EPHA5: variants seen among roughly 807,000 people sequenced by gnomAD.
The protein encoded by EPHA5 is ephrin type-A receptor 5.
Under a neutral mutation model 105.0 loss-of-function variants are expected in EPHA5, and 60 were observed. The observed-to-expected ratio is 0.57, with a 90% confidence interval of 0.46 to 0.71. The LOEUF (loss-of-function observed/expected upper bound fraction) is 0.71, where lower values mean the gene tolerates loss of function less well. Ranked by LOEUF, EPHA5 falls within the 30% of genes least tolerant of loss-of-function variation. The pLI is 0.00. For missense variants in EPHA5, 1,218 were observed against 1,274.7 expected (o/e 0.96, Z 0.68); for synonymous variants, 513 against 449.1 (o/e 1.14, Z -1.80).
At chr4:65,470,580 A>G (rs1300298343) in intron 5 of EPHA5, among the ~76,000 whole-genome samples, 1 of 152,218 alleles carries the variant, frequency 6.6e-6, no homozygotes, top group East Asian at 1.9e-4. Context: ...TCTCTCTATT[A>G]AAGATAGCAC....
intron 3 of EPHA5, among the ~76,000 whole-genome samples, chr4:65,590,579 T>G (rs1321594332): frequency 2.0e-5 from 3 of 152,152 alleles, no homozygotes; most frequent in African/African-American, 4.8e-5. Context: ...AAAGTATGAG[T>G]TAAATTTAAA....
chr4:65,409,662 A>G (rs1167020454), intron 7 of EPHA5, among the ~76,000 whole-genome samples: 1 of 152,188 alleles, frequency 6.6e-6, no homozygotes, highest in Non-Finnish European at 1.5e-5. Flanking sequence ...AGAATTTGGG[A>G]TCCTTCTCTC....
chr4:65,463,420 T>C (rs1728309716), intron 5 of EPHA5, among the ~76,000 whole-genome samples: 1 of 152,200 alleles, frequency 6.6e-6, no homozygotes, highest in African/African-American at 2.4e-5. Context: ...TCATGTGTTT[T>C]AGAAAATGAT....
intron 11 of EPHA5, among the ~76,000 whole-genome samples, chr4:65,361,842 T>C (rs1340298955): frequency 6.6e-6 from 1 of 151,626 alleles, no homozygotes; most frequent in South Asian, 2.1e-4. Context: ...TTATGACTAA[T>C]CCTAAGACTC....
At chr4:65,607,292 C>G (rs1560765819) in intron 2 of EPHA5, among the ~76,000 whole-genome samples, 1 of 151,794 alleles carries the variant, frequency 6.6e-6, no homozygotes, top group Non-Finnish European at 1.5e-5. Context: ...AACTAAAACA[C>G]CAAAATCAAT....
At chr4:65,348,671 TATATATATATATATATATATATATATAAA>T (rs1408063600) in intron 13 of EPHA5, among the ~76,000 whole-genome samples, 1 of 56,826 alleles carries the variant, frequency 1.8e-5, no homozygotes, top group East Asian at 7.9e-4. Context: ...TATATATATA[TATATATATATATATATATATATATATAAA>T]ATATATATGT....
At chr4:65,467,154 T>C (rs1005579159) in intron 5 of EPHA5, among the ~76,000 whole-genome samples, 2 of 152,184 alleles carry the variant, frequency 1.3e-5, no homozygotes, top group African/African-American at 2.4e-5. Context: ...ACAAAGAGAT[T>C]ACTTTGTTTT....
chr4:65,514,318 C>A (rs1045640243), intron 3 of EPHA5, among the ~76,000 whole-genome samples: 7 of 152,236 alleles, frequency 4.6e-5, no homozygotes, highest in African/African-American at 1.7e-4. Flanking sequence ...GCCATGCCTG[C>A]GATTAGAGCA....
chr4:65,489,391 A>T (rs1372186938), intron 5 of EPHA5, among the ~76,000 whole-genome samples: 2 of 152,118 alleles, frequency 1.3e-5, no homozygotes, highest in Admixed American at 1.3e-4. Context: ...AACATGTCCT[A>T]TTTCTTTGTG....
intron 3 of EPHA5, among the ~76,000 whole-genome samples, chr4:65,537,985 A>C (rs1736453632): frequency 6.6e-6 from 1 of 151,784 alleles, no homozygotes; most frequent in African/African-American, 2.4e-5. Context: ...GCTTATTAAA[A>C]TACTGTTCTC....
Position 65,324,035 on chromosome 4 carries a change from CT to C in EPHA5, c.*78del, listed in dbSNP as rs111537275. 22 of 937,988 alleles carry C rather than the reference CT, an allele frequency of 2.3e-5. No individual in the cohort carries two copies. The highest frequency in any genetic ancestry group is 6.5e-5 in the Admixed American group (3 of 46,112). The allele number at this position is 937,988 out of a possible 1,614,324, so 58.1% of individuals were successfully genotyped here. A position where few individuals can be genotyped will look rare whatever the true frequency, so the allele number is the denominator to read the frequency against. ...GAAATCACTGTTTTCCCTTTTCCCC[CT>C]TTTTTTGTTAAAATAAATCTCAGTG... On this transcript the variant is annotated 3_prime_UTR_variant, in exon 17 of 17. Coordinates refer to ENST00000613740, the MANE Select transcript of EPHA5 (RefSeq NM_001281766.3).
Position 65,670,114 on chromosome 4 carries a change from C to A in EPHA5, c.-372G>T. ...GGGGAAAGGTGAAGGTTCTTTGCAG[C>A]CTTCAGTGTTGAAATGGACGAAGGT... On this transcript the variant is annotated 5_prime_UTR_variant, in exon 1 of 17. Coordinates refer to ENST00000613740, the MANE Select transcript of EPHA5 (RefSeq NM_001281766.3). The A allele has an allele frequency of 3.6e-6, 1 of 281,478 alleles. No individual in the cohort carries two copies. Among genetic ancestry groups the A allele is most frequent in the Non-Finnish European group, 6.6e-6 (1 of 151,600 alleles). 17.4% of individuals were successfully genotyped at this position (281,478 alleles called of 1,614,324 possible).
At chr4:65,529,232 AAT>A (rs1160562400) in intron 3 of EPHA5, among the ~76,000 whole-genome samples, 1 of 152,132 alleles carries the variant, frequency 6.6e-6, no homozygotes, top group Non-Finnish European at 1.5e-5. Context: ...AAAAATCCAC[AAT>A]CTTTCAAATC....
intron 3 of EPHA5, among the ~76,000 whole-genome samples, chr4:65,506,105 G>A (rs561515161): frequency 6.6e-6 from 1 of 152,170 alleles, no homozygotes; most frequent in Admixed American, 6.5e-5. Context: ...GTGGTGCTTG[G>A]TCTTTTGTCC....
chr4:65,331,818 T>C, intron 16 of EPHA5, 155 bp downstream of exon 16: 1 of 1,338,630 alleles, frequency 7.5e-7, no homozygotes, highest in Non-Finnish European at 9.5e-7. Flanking sequence ...AACCATGCAG[T>C]TGTTAACAAT....
chr4:65,381,738 GGTATTTGGAA>G (rs1719583845), intron 8 of EPHA5, among the ~76,000 whole-genome samples: 1 of 151,684 alleles, frequency 6.6e-6, no homozygotes, highest in Admixed American at 6.6e-5. Context: ...TAGGAGGTAG[GGTATTTGGAA>G]GCTGATAAGA....
At position 65,644,321 on chromosome 4, in the gene EPHA5, A is replaced by G. The variant is rs529989461; in HGVS notation, c.182-894T>C. On this transcript the variant is annotated intron_variant, in intron 1 of 16. Transcript: ENST00000613740. ...TTATAGGGTACTGTCTAGTCAAAAT[A>G]CTTTAGCCCTGGATCACAGATCATT... 2.0e-5 allele frequency among the ~76,000 whole-genome samples: 3 copies of G among 152,076 alleles called. No homozygotes were observed. The South Asian group carries it at 6.2e-4, about 32-fold the overall frequency.
chr4:65,521,489 A>G (rs11942857), intron 3 of EPHA5, among the ~76,000 whole-genome samples: 7,988 of 152,078 alleles, frequency 0.053, 719 homozygotes, highest in African/African-American at 0.18. Flanking sequence ...AAACCCTCAC[A>G]TTGTCCACAT....
chr4:65,488,361 T>C (rs1172421999), intron 5 of EPHA5, among the ~76,000 whole-genome samples: 32 of 152,210 alleles, frequency 2.1e-4, no homozygotes, highest in Non-Finnish European at 2.9e-5. Flanking sequence ...ACTCGGTGAT[T>C]GTTCGATATG....
Sources: gnomAD v4.1 joint callset for allele counts (sites outside exome capture counted in the v4.1 genomes callset) on GRCh38, gnomAD v4.1.1 for gene constraint, MANE v1.5 for transcripts, NCBI Gene and HGNC (gene_info 2026-07-23, HGNC 2026-07-21) for gene names.